Variants in PLEKHM3 observed in about 807,000 individuals in gnomAD.
PLEKHM3 encodes the protein pleckstrin homology domain-containing family M member 3.
PLEKHM3 carries 45 observed loss-of-function variants against 81.8 expected under a neutral mutation model. The observed-to-expected ratio is 0.55, with a 90% CI of 0.43 to 0.71. PLEKHM3 has a LOEUF of 0.71. Ranked by LOEUF, PLEKHM3 falls within the 30% of genes least tolerant of loss-of-function variation. PLEKHM3 has a pLI of 0.00. For missense variants in PLEKHM3, 788 were observed against 924.3 expected (o/e 0.85, Z 1.91); for synonymous variants, 352 against 356.4 (o/e 0.99, Z 0.14).
intron 6 of PLEKHM3, among the ~76,000 whole-genome samples, chr2:207,866,696 T>C (rs1383754807): frequency 6.6e-6 from 1 of 152,194 alleles, no homozygotes. Context: ...CTTGCTCCTG[T>C]GCCTTCATCC....
chr2:207,927,705 C>G (rs528282054), intron 5 of PLEKHM3, among the ~76,000 whole-genome samples: 318 of 151,918 alleles, frequency 2.1e-3, no homozygotes, highest in Middle Eastern at 6.8e-3. Flanking sequence ...TGGCACATGC[C>G]TGTAATCCCA....
intron 6 of PLEKHM3, among the ~76,000 whole-genome samples, chr2:207,867,023 T>A (rs538102147): frequency 6.6e-6 from 1 of 152,364 alleles, no homozygotes; most frequent in East Asian, 1.9e-4. Context: ...TCTAAGAGAA[T>A]ATAAATTGCT....
At chr2:207,864,735 ACT>A (rs1052697754) in intron 6 of PLEKHM3, among the ~76,000 whole-genome samples, 1 of 152,218 alleles carries the variant, frequency 6.6e-6, no homozygotes, top group African/African-American at 2.4e-5. Flanking sequence ...CCAAATTTAC[ACT>A]GTTAGCAATG....
At chr2:207,897,230 C>T (rs1423590192) in intron 6 of PLEKHM3, among the ~76,000 whole-genome samples, 1 of 152,140 alleles carries the variant, frequency 6.6e-6, no homozygotes, top group Non-Finnish European at 1.5e-5. Flanking sequence ...CTAGATTCCC[C>T]TACGGAACAT....
At chr2:207,998,452 C>T (rs765196534) in intron 2 of PLEKHM3, among the ~76,000 whole-genome samples, 4 of 152,174 alleles carry the variant, frequency 2.6e-5, no homozygotes, top group Non-Finnish European at 5.9e-5. Context: ...ACTGAGGCTG[C>T]AGTGAGCTAT....
intron 3 of PLEKHM3, among the ~76,000 whole-genome samples, chr2:207,950,703 A>G (rs1690300784): frequency 6.6e-6 from 1 of 152,146 alleles, no homozygotes; most frequent in Non-Finnish European, 1.5e-5. Context: ...AAAAGTGCAG[A>G]GGGGGTGCAG....
chr2:207,893,531 T>C (rs1407208352), intron 6 of PLEKHM3, among the ~76,000 whole-genome samples: 1 of 152,190 alleles, frequency 6.6e-6, no homozygotes, highest in African/African-American at 2.4e-5. Flanking sequence ...GGATGGATGC[T>C]AGCAGAACTC....
In PLEKHM3 at chr2:207,976,598, TG is replaced by T; in HGVS notation, c.1546+52del. 6.7e-7 allele frequency: 1 copy of T among 1,503,176 alleles called. No homozygotes were observed. The highest frequency in any genetic ancestry group is 1.8e-4 in the Middle Eastern group (1 of 5,622). 93.1% of individuals were successfully genotyped at this position (1,503,176 alleles called of 1,614,324 possible). On this transcript the variant is annotated intron_variant, in intron 3 of 7. Coordinates refer to ENST00000427836, the MANE Select transcript of PLEKHM3 (RefSeq NM_001080475.3). The surrounding 1 kb of genome is among the most constrained non-coding windows in gnomAD (Gnocchi z 4.1). ...GGATTTTTAAAGTGAATTCCAATTG[TG>T]GGGTTCAGGATTGTTCTTTAATGAG... is the stretch of plus-strand genomic sequence containing the variant.
chr2:207,952,096 A>T (rs1176878001), intron 3 of PLEKHM3, among the ~76,000 whole-genome samples: 1 of 152,234 alleles, frequency 6.6e-6, no homozygotes, highest in African/African-American at 2.4e-5. Flanking sequence ...GAAACGCTCT[A>T]GGAAAAGAAC....
chr2:207,939,611 G>A (rs761557350), intron 4 of PLEKHM3, among the ~76,000 whole-genome samples: 1 of 152,208 alleles, frequency 6.6e-6, no homozygotes, highest in African/African-American at 2.4e-5. Flanking sequence ...GGTGCTTTCT[G>A]TGAATCATTT....
chr2:207,884,829 C>T (rs1002893218), intron 6 of PLEKHM3, among the ~76,000 whole-genome samples: 1 of 152,218 alleles, frequency 6.6e-6, no homozygotes, highest in Non-Finnish European at 1.5e-5. Flanking sequence ...ATAGTTCAAT[C>T]TGGCCCTGCC....
chr2:207,913,973 G>A (rs573747160), intron 5 of PLEKHM3, among the ~76,000 whole-genome samples: 216 of 151,890 alleles, frequency 1.4e-3, no homozygotes, highest in African/African-American at 3.0e-3. Flanking sequence ...GTGTGCGTGC[G>A]CACACGCGCA....
intron 1 of PLEKHM3, among the ~76,000 whole-genome samples, chr2:208,022,923 T>C (rs1480818384): frequency 1.3e-5 from 2 of 152,200 alleles, no homozygotes; most frequent in Non-Finnish European, 2.9e-5. Flanking sequence ...TTTCTTATCA[T>C]TTGTTTGTGT....
rs768949502 is a variant in PLEKHM3, at chr2:207,828,387, T to G, written c.2218A>C (p.Arg740=). 3.1e-6 allele frequency: 5 copies of G among 1,614,096 alleles called. No individual in the cohort carries two copies. The highest frequency in any genetic ancestry group is 3.3e-5 in the Admixed American group (2 of 60,022). ...TCTAGACTCTCGTCCATGTTCAGTC[T>G]CTGCCAGAAAGACTTCTGCTTCTTC... ...LQKKQKSFWQ[R]LNMDESLEEA... is the part of the protein sequence containing the mutation. Residue 740 remains arginine, a synonymous_variant, in exon 8 of 8, where the codon AGA becomes CGA. Transcript: ENST00000427836.
chr2:207,828,040 TG>T lies in PLEKHM3; in HGVS notation c.*278del, dbSNP rs376792483. The T allele has an allele frequency of 2.1e-4, 47 of 227,930 alleles. 1 individual carries two copies. Among genetic ancestry groups the T allele is most frequent in the African/African-American group, 1.0e-3 (45 of 44,272 alleles). 14.1% of individuals were successfully genotyped at this position (227,930 alleles called of 1,614,324 possible). ...AGCATTGTGTATACCACGTTTTGTCTGGGAGCAAGCAGCTGAAATTCTTGGC... is the reference window on the plus strand; with the variant it reads ...AGCATTGTGTATACCACGTTTTGTCTGGAGCAAGCAGCTGAAATTCTTGGC... On this transcript the variant is annotated 3_prime_UTR_variant, in exon 8 of 8. Transcript: ENST00000427836.
intron 5 of PLEKHM3, among the ~76,000 whole-genome samples, chr2:207,929,722 G>C (rs1276137765): frequency 6.6e-6 from 1 of 152,096 alleles, no homozygotes; most frequent in African/African-American, 2.4e-5. Context: ...CTTTATGGCA[G>C]CTGTCTTTTC....
chr2:207,919,097 G>A (rs1302315819), intron 5 of PLEKHM3, among the ~76,000 whole-genome samples: 2 of 151,994 alleles, frequency 1.3e-5, no homozygotes, highest in Non-Finnish European at 2.9e-5. Context: ...AAGACCTAAT[G>A]GAGTTACGAA....
rs1187178487 is a variant in PLEKHM3, at chr2:207,827,767, A to T, written c.*552T>A. On this transcript the variant is annotated 3_prime_UTR_variant, in exon 8 of 8. Transcript: ENST00000427836. ...CGTGATTCCCCGCCTCCACAGGAGG[A>T]ACTGAGGCGGGAGCGCCACGGACAC... is the stretch of plus-strand genomic sequence containing the variant. The T allele has an allele frequency of 6.6e-6, 1 of 152,094 alleles. No individual in the cohort carries two copies. The highest frequency in any genetic ancestry group is 2.4e-5 in the African/African-American group (1 of 41,382). The allele number at this position is 152,094 out of a possible 1,614,324, so 9.4% of individuals were successfully genotyped here.
intron 5 of PLEKHM3, among the ~76,000 whole-genome samples, chr2:207,910,801 AC>A (rs1240503732): frequency 1.3e-5 from 2 of 152,162 alleles, no homozygotes; most frequent in African/African-American, 4.8e-5. Context: ...GAGACTACAG[AC>A]AGGTGACAAG....
Sources: gnomAD v4.1 joint callset for allele counts (sites outside exome capture counted in the v4.1 genomes callset) on GRCh38, gnomAD v4.1.1 for gene constraint, Gnocchi (gnomAD v3.1) non-coding constraint, MANE v1.5 for transcripts, NCBI Gene and HGNC (gene_info 2026-07-23, HGNC 2026-07-21) for gene names.